NPSR1: variants seen among roughly 807,000 people sequenced by gnomAD.
The protein encoded by NPSR1 is neuropeptide S receptor 1.
A neutral mutation model predicts 46.9 loss-of-function variants in NPSR1; 48 were observed. The ratio of observed to expected loss-of-function variants is 1.02; its 90% CI spans 0.81 to 1.30. The LOEUF (loss-of-function observed/expected upper bound fraction) is 1.30. Ranked by LOEUF, NPSR1 falls within the 50% of genes most tolerant of loss-of-function variation. The probability of loss-of-function intolerance (pLI) is 0.00; values close to 1 mark genes in which losing one functional copy is unlikely to be tolerated. For synonymous variants in NPSR1, 176 were observed against 168.1 expected (o/e 1.05, Z -0.36); for missense variants, 450 against 449.5 (o/e 1.00, Z -0.01).
intron 1 of NPSR1, among the ~76,000 whole-genome samples, chr7:34,682,519 G>A (rs1792696432): frequency 6.6e-6 from 1 of 152,178 alleles, no homozygotes; most frequent in African/African-American, 2.4e-5. Flanking sequence ...CAAGCCACCT[G>A]GCTGCTTAGG....
At chr7:34,826,072 C>T (rs954731544) in intron 4 of NPSR1, among the ~76,000 whole-genome samples, 3 of 152,070 alleles carry the variant, frequency 2.0e-5, no homozygotes, top group Admixed American at 6.5e-5. Context: ...GTGTCAGTCA[C>T]CTGTGAGTCA....
intron 3 of NPSR1, among the ~76,000 whole-genome samples, chr7:34,797,725 G>A (rs1272269697): frequency 2.6e-5 from 4 of 152,064 alleles, no homozygotes; most frequent in Admixed American, 6.6e-5. Flanking sequence ...GTACCTCTAG[G>A]CATATCATAT....
intron 7 of NPSR1, among the ~76,000 whole-genome samples, chr7:34,846,604 C>T (rs776929576): frequency 2.6e-5 from 4 of 151,958 alleles, no homozygotes; most frequent in African/African-American, 4.8e-5. Flanking sequence ...ACACCTACAC[C>T]GTGACATAAT....
In NPSR1 at chr7:34,789,688, G is replaced by A. The variant is rs148826530; in HGVS notation, c.384+11123G>A. On this transcript the variant is annotated intron_variant, in intron 3 of 8. Coordinates refer to ENST00000360581, the MANE Select transcript of NPSR1 (RefSeq NM_207172.2). ...GGCCCCTGTAATCCCAACTACTCAG[G>A]AGGCTGAGGCAAGAGAATTGCTTGA... is the stretch of plus-strand genomic sequence containing the variant. 2.1e-3 allele frequency among the ~76,000 whole-genome samples: 289 copies of A among 140,238 alleles called. 3 individuals carry two copies. The highest frequency in any genetic ancestry group is 7.5e-3 in the African/African-American group (283 of 37,950). The allele number at this position is 140,238 out of a possible 152,430, so 92.0% of individuals were successfully genotyped here.
At chr7:34,707,943 G>A (rs920292681) in intron 2 of NPSR1, among the ~76,000 whole-genome samples, 1 of 152,118 alleles carries the variant, frequency 6.6e-6, no homozygotes, top group African/African-American at 2.4e-5. Context: ...GATTGTAGAT[G>A]GCTGTCTTCT....
At chr7:34,744,004 T>C (rs1785083911) in intron 2 of NPSR1, among the ~76,000 whole-genome samples, 1 of 152,208 alleles carries the variant, frequency 6.6e-6, no homozygotes, top group Non-Finnish European at 1.5e-5. Context: ...GTCAAGTTTG[T>C]TTGCTGTGTA....
At chr7:34,709,790 TGAAA>T (rs1276783870) in intron 2 of NPSR1, among the ~76,000 whole-genome samples, 1 of 152,002 alleles carries the variant, frequency 6.6e-6, no homozygotes, top group Non-Finnish European at 1.5e-5. Flanking sequence ...AATGAATGAA[TGAAA>T]GATGAATATA....
intron 6 of NPSR1, among the ~76,000 whole-genome samples, chr7:34,843,765 G>A (rs1417335834): frequency 4.6e-5 from 7 of 152,178 alleles, no homozygotes; most frequent in Non-Finnish European, 7.3e-5. Flanking sequence ...AATTTCAAAC[G>A]TGAGAGCTGG....
intron 2 of NPSR1, among the ~76,000 whole-genome samples, chr7:34,708,387 A>G (rs1396310633): frequency 6.6e-6 from 1 of 152,228 alleles, no homozygotes; most frequent in Non-Finnish European, 1.5e-5. Context: ...TGATGAGCTT[A>G]GGCTGAAGTC....
At chr7:34,824,656 T>C (rs1789735788) in intron 4 of NPSR1, among the ~76,000 whole-genome samples, 1 of 152,206 alleles carries the variant, frequency 6.6e-6, no homozygotes, top group Admixed American at 6.5e-5. Context: ...TTCTATACTC[T>C]CTTCCCTGTC....
chr7:34,715,616 C>T (rs542000096), intron 2 of NPSR1, among the ~76,000 whole-genome samples: 12 of 152,312 alleles, frequency 7.9e-5, no homozygotes, highest in African/African-American at 2.9e-4. Context: ...GATGGTTGTC[C>T]CTCTGCTTTG....
intron 3 of NPSR1, among the ~76,000 whole-genome samples, chr7:34,780,646 C>A (rs1357902572): frequency 6.6e-6 from 1 of 152,132 alleles, no homozygotes. Context: ...TTATTCTCAG[C>A]CCCCAGTATC....
chr7:34,792,717 A>ATATATATATATGTATATATATATT (rs1787982860), intron 3 of NPSR1, among the ~76,000 whole-genome samples: 1 of 105,034 alleles, frequency 9.5e-6, no homozygotes, highest in Non-Finnish European at 2.0e-5. Flanking sequence ...ATATATATTT[A>ATATATATATATGTATATATATATT]TATATATATA....
intron 5 of NPSR1, among the ~76,000 whole-genome samples, chr7:34,829,372 T>C (rs1459558137): frequency 2.6e-5 from 4 of 152,140 alleles, no homozygotes; most frequent in Non-Finnish European, 5.9e-5. Flanking sequence ...CAAGCTGAGC[T>C]TGAGAGAAAG....
chr7:34,788,257 T>C (rs1787558319), intron 3 of NPSR1, among the ~76,000 whole-genome samples: 1 of 151,716 alleles, frequency 6.6e-6, no homozygotes, highest in Admixed American at 6.6e-5. Context: ...GCAAAACCTG[T>C]AGTAGATACA....
chr7:34,682,841 A>C (rs1792715215), intron 1 of NPSR1, among the ~76,000 whole-genome samples: 3 of 152,212 alleles, frequency 2.0e-5, no homozygotes, highest in African/African-American at 7.2e-5. Context: ...CCCTCTAGTC[A>C]TCAAAGAACC....
At chr7:34,808,612 T>TCTTGAATTCTTCC (rs1479922009) in intron 3 of NPSR1, among the ~76,000 whole-genome samples, 1 of 152,202 alleles carries the variant, frequency 6.6e-6, no homozygotes, top group Non-Finnish European at 1.5e-5. Context: ...TGCTCTTCCC[T>TCTTGAATTCTTCC]CTTCTTGAAT....
intron 8 of NPSR1, among the ~76,000 whole-genome samples, chr7:34,876,559 T>G (rs1033451318): frequency 2.0e-5 from 3 of 152,204 alleles, no homozygotes; most frequent in Non-Finnish European, 4.4e-5. Flanking sequence ...TAAGGCATGA[T>G]TCATCTCAAC....
At chr7:34,850,448 T>C (rs989517265), downstream of NPSR1, among the ~76,000 whole-genome samples, 1 of 145,538 alleles carries the variant, frequency 6.9e-6, no homozygotes, top group Non-Finnish European at 1.5e-5. Context: ...TCGCCCAGGC[T>C]GGAGTGCAGT....
Sources: allele counts gnomAD v4.1 joint callset (sites outside exome capture counted in the v4.1 genomes callset), GRCh38; gene constraint gnomAD v4.1.1; transcripts MANE v1.5; gene names NCBI Gene and HGNC (gene_info 2026-07-23, HGNC 2026-07-21).